The following TNNC2 variants were observed in gnomAD, a reference collection of about 807,000 sequenced individuals.
TNNC2 encodes troponin C, skeletal muscle.
Under a neutral mutation model 20.0 loss-of-function variants are expected in TNNC2, and 14 were observed. The observed-to-expected ratio is 0.70, with a 90% CI of 0.46 to 1.09. The LOEUF is 1.09. Among genes scored for constraint, TNNC2 ranks in the 50% least tolerant of loss-of-function variants. The pLI is 0.00. For missense variants in TNNC2, 163 were observed against 223.8 expected (o/e 0.73, Z 1.73); for synonymous variants, 81 against 77.3 (o/e 1.05, Z -0.25).
upstream of TNNC2, chr20:45,827,488 C>T (rs1983003759): frequency 1.7e-6 from 1 of 580,210 alleles, no homozygotes; most frequent in East Asian, 2.8e-5. Context: ...AAATTTAAGC[C>T]TCCAAGCAGG....
At position 45,823,429 on chromosome 20, in the gene TNNC2, G is replaced by A. The variant is rs1037338888; in HGVS notation, c.452-50C>T. 2.6e-5 allele frequency: 40 copies of A among 1,547,016 alleles called. No individual in the cohort carries two copies. Among genetic ancestry groups the A allele is most frequent in the Non-Finnish European group, 3.5e-5 (40 of 1,138,472 alleles). ...TCAGGGGTCCCACTGGGGACGCAGAGGCCAGGCCAGGGCTCCAGCCACACA... is the reference window on the plus strand; with the variant it reads ...TCAGGGGTCCCACTGGGGACGCAGAAGCCAGGCCAGGGCTCCAGCCACACA... On this transcript the variant is annotated intron_variant, in intron 5 of 5. Transcript: ENST00000372555. The surrounding 1 kb of genome is among the most constrained non-coding windows in gnomAD (Gnocchi z 4.6).
rs1238698416 is a variant in TNNC2 at position 45,824,323 on chromosome 20, C to A, written c.283G>T (p.Glu95Ter). ...KEDAKGKSEE[E>*]LAECFRIFDR... is the part of the protein sequence containing the mutation. ...AAGATGCGGAAGCACTCGGCCAGCT[C>A]CTCCTCGCTCTTCCCTTTCGCGTCC... Residue 95 changes from glutamate to a stop codon, truncating the protein, a stop_gained, in exon 4 of 6, where the codon GAG (glutamate) becomes TAG (stop). Coordinates refer to ENST00000372555, the MANE Select transcript of TNNC2 (RefSeq NM_003279.3). LOFTEE classifies it high-confidence loss of function. The A allele has an allele frequency of 6.2e-7, 1 of 1,611,120 alleles. No individual in the cohort carries two copies. The highest frequency in any genetic ancestry group is 8.5e-7 in the Non-Finnish European group (1 of 1,179,988).
chr20:45,824,695 T>TTCC, intron 2 of TNNC2, 57 bp from the exon 3 acceptor site: 1 of 1,537,446 alleles, frequency 6.5e-7, no homozygotes, highest in Non-Finnish European at 8.8e-7. Context: ...GCCTCACACC[T>TTCC]ACCCCCCCCC....
Position 45,827,126 on chromosome 20 carries a change from A to G in TNNC2, c.3+120T>C, listed in dbSNP as rs1178481506. The G allele has an allele frequency of 2.3e-6, 3 of 1,332,526 alleles. No individual in the cohort carries two copies. The African/African-American group carries it at 4.4e-5, about 19-fold the overall frequency. 82.5% of individuals were successfully genotyped at this position (1,332,526 alleles called of 1,614,324 possible). ...TCCTCCAAGACACCTGGGTTCCAGG[A>G]ACCTCCATGCTCCAACCTCAAACAT... On this transcript the variant is annotated intron_variant, in intron 1 of 5. Coordinates refer to ENST00000372555, the MANE Select transcript of TNNC2 (RefSeq NM_003279.3).
rs763474829 is a variant in TNNC2 at position 45,824,077 on chromosome 20, G to A, written c.365C>T (p.Ala122Val). 3 of 1,614,060 alleles carry A rather than the reference G, an allele frequency of 1.9e-6. No homozygotes were observed. Among genetic ancestry groups the A allele is most frequent in the Non-Finnish European group, 2.5e-6 (3 of 1,179,986 alleles). ...DPEELAEIFR[A>V]SGEHVTDEEI... ...CTCGTCCGTCACGTGCTCCCCGGAG[G>A]CCCTGAAAATCTCAGCCAGCTCCTC... is the stretch of plus-strand genomic sequence containing the variant. Residue 122 changes from alanine to valine, a missense_variant, in exon 5 of 6, where the codon GCC (alanine) becomes GTC (valine). By Grantham distance (64) the Ala-to-Val change is moderately conservative. Transcript: ENST00000372555.
intron 1 of TNNC2, among the ~76,000 whole-genome samples, chr20:45,827,003 T>G (rs750343315): frequency 6.6e-6 from 1 of 152,228 alleles, no homozygotes; most frequent in Non-Finnish European, 1.5e-5. Flanking sequence ...TGAATGACAC[T>G]GCTGGAAGTT....
chr20:45,824,860 A>G (rs770253575), intron 1 of TNNC2, 26 bp from the exon 2 acceptor site: 1 of 1,614,044 alleles, frequency 6.2e-7, no homozygotes, highest in South Asian at 1.1e-5. Context: ...AGAAAGTCTG[A>G]GCTGAAGAGG....
chr20:45,832,300 ACT>A (rs1194041991), upstream of TNNC2, among the ~76,000 whole-genome samples: 2 of 152,126 alleles, frequency 1.3e-5, no homozygotes, highest in Non-Finnish European at 2.9e-5. Context: ...ACAGAGCAAG[ACT>A]CTGTCTCCCT....
intron 2 of TNNC2, chr20:45,833,149 A>G (rs1414174398): frequency 7.1e-6 from 1 of 140,312 alleles, no homozygotes; most frequent in Non-Finnish European, 1.5e-5. Flanking sequence ...ATCTCAAAAG[A>G]GAAAGAAAGA....
At chr20:45,827,567 C>T (rs1339300194), upstream of TNNC2, among the ~76,000 whole-genome samples, 8 of 152,294 alleles carry the variant, frequency 5.3e-5, no homozygotes, top group Admixed American at 6.5e-5. Flanking sequence ...GGAGTCCCCC[C>T]GACCGAGGAA....
In TNNC2 at chr20:45,823,774, C is replaced by T. The variant is rs1016397291; in HGVS notation, c.451+217G>A. 4.6e-5 allele frequency among the ~76,000 whole-genome samples: 7 copies of T among 152,114 alleles called. No individual in the cohort carries two copies. Among genetic ancestry groups the T allele is most frequent in the Non-Finnish European group, 1.5e-5 (1 of 68,012 alleles). The stretch of plus-strand genomic sequence containing the variant: ...TCCCAAAGTTCTAGGATTTTACAGT[C>T]CTGAGCCACCACGCCCCCCTGCCTG... On this transcript the variant is annotated intron_variant, in intron 5 of 5. Transcript: ENST00000372555. This position sits in a 1 kb window ranked among gnomAD's most constrained non-coding sequence, Gnocchi z 4.6.
In TNNC2 at chr20:45,823,327, G is replaced by A. The variant is rs752988478; in HGVS notation, c.*21C>T. 2 of 1,577,208 alleles carry A rather than the reference G, an allele frequency of 1.3e-6. No individual in the cohort carries two copies. Among genetic ancestry groups the A allele is most frequent in the South Asian group, 2.3e-5 (2 of 85,536 alleles). ...CACACCCTAGGGACACGCGATCTTG[G>A]TAGAGGCGACTGTCCACTCCTTACT... On this transcript the variant is annotated 3_prime_UTR_variant, in exon 6 of 6. Transcript: ENST00000372555. The surrounding 1 kb of genome is among the most constrained non-coding windows in gnomAD (Gnocchi z 4.6).
chr20:45,826,822 G>A (rs1440702983), intron 1 of TNNC2, among the ~76,000 whole-genome samples: 5 of 152,114 alleles, frequency 3.3e-5, no homozygotes, highest in South Asian at 2.1e-4. Flanking sequence ...CAGGCCCCAC[G>A]CCCTGCCGGC....
intron 2 of TNNC2, chr20:45,833,196 G>GAGAA (rs967297434): frequency 1.5e-5 from 2 of 137,824 alleles, no homozygotes; most frequent in Non-Finnish European, 3.3e-5. Flanking sequence ...AAGAGAGAGA[G>GAGAA]AGAAAGAAAG....
chr20:45,824,318 C>T lies in TNNC2; in HGVS notation c.288G>A (p.Leu96=), dbSNP rs753200493. The T allele has an allele frequency of 1.6e-5, 25 of 1,610,878 alleles. No homozygotes were observed. Among genetic ancestry groups the T allele is most frequent in the East Asian group, 2.2e-5 (1 of 44,856 alleles). ...EDAKGKSEEE[L]AECFRIFDRN... ...TGTCGAAGATGCGGAAGCACTCGGCCAGCTCCTCCTCGCTCTTCCCTTTCG... is the reference window on the plus strand; with the variant it reads ...TGTCGAAGATGCGGAAGCACTCGGCTAGCTCCTCCTCGCTCTTCCCTTTCG... The change falls in exon 4 of 6, where the codon CTG becomes CTA. Residue 96 remains leucine (L), a synonymous_variant. Coordinates refer to ENST00000372555, the MANE Select transcript of TNNC2 (RefSeq NM_003279.3).
rs781373134 is a variant in TNNC2 at position 45,827,278 on chromosome 20, C to T, written c.-30G>A. ...GCTGGTGACCGGGACTCCTCTGTTG[C>T]AGGTCGCCTCCTTTGCACTCCACCA... On this transcript the variant is annotated 5_prime_UTR_variant, in exon 1 of 6. Transcript: ENST00000372555. 3 of 1,614,110 alleles carry T rather than the reference C, an allele frequency of 1.9e-6. No homozygotes were observed. Among genetic ancestry groups the T allele is most frequent in the Admixed American group, 3.3e-5 (2 of 60,006 alleles).
upstream of TNNC2, among the ~76,000 whole-genome samples, chr20:45,830,610 T>C (rs1983087425): frequency 6.6e-6 from 1 of 152,214 alleles, no homozygotes; most frequent in Non-Finnish European, 1.5e-5. Context: ...GTTCTACAGA[T>C]CATCACATTT....
chr20:45,827,326 C>T, upstream of TNNC2: 1 of 1,601,716 alleles, frequency 6.2e-7, no homozygotes, highest in Non-Finnish European at 8.5e-7. Flanking sequence ...CTGGCCTGCT[C>T]TAGCCCCCGG....
chr20:45,830,197 G>A (rs769603543), upstream of TNNC2, among the ~76,000 whole-genome samples: 3 of 151,202 alleles, frequency 2.0e-5, no homozygotes, highest in Non-Finnish European at 4.4e-5. Flanking sequence ...GCTGCTGGGT[G>A]TGGTGGTGGG....
Sources: allele counts gnomAD v4.1 joint callset (sites outside exome capture counted in the v4.1 genomes callset), GRCh38; gene constraint gnomAD v4.1.1; non-coding constraint Gnocchi (gnomAD v3.1); transcripts MANE v1.5; gene names NCBI Gene and HGNC (gene_info 2026-07-23, HGNC 2026-07-21).